The following CHMP2B variants were observed in gnomAD, a reference collection of about 807,000 sequenced individuals.
CHMP2B encodes charged multivesicular body protein 2B, also known as VPS2 homolog B.
Under a neutral mutation model 29.8 loss-of-function variants are expected in CHMP2B, and 22 were observed. That is an observed-to-expected ratio of 0.74 (90% CI 0.53 to 1.05). The LOEUF (loss-of-function observed/expected upper bound fraction) is 1.05, where lower values mean the gene tolerates loss of function less well. CHMP2B is among the 50% of genes least tolerant of loss of function. The pLI is 0.00. For missense variants in CHMP2B, 261 were observed against 252.2 expected (o/e 1.03, Z -0.24); for synonymous variants, 78 against 75.8 (o/e 1.03, Z -0.15).
In CHMP2B at chr3:87,253,442, G is replaced by A; in HGVS notation, c.463G>A (p.Asp155Asn). Residue 155 changes from aspartate (D) to asparagine (N), a missense_variant, in exon 5 of 6, where the codon GAC (aspartate) becomes AAC (asparagine). Coordinates refer to ENST00000263780, the MANE Select transcript of CHMP2B (RefSeq NM_014043.4). ...TGATGACATCTTTGACGGTTCTGAT[G>A]ACGAAGAAGAAAGCCAGGATATTGT... ...TLDDIFDGSD[D>N]EEESQDIVNQ... 6.2e-7 allele frequency: 1 copy of A among 1,611,832 alleles called. No homozygotes were observed. Among genetic ancestry groups the A allele is most frequent in the East Asian group, 2.2e-5 (1 of 44,826 alleles).
chr3:87,227,940 C>G (rs1366471926), intron 1 of CHMP2B, among the ~76,000 whole-genome samples: 2 of 152,132 alleles, frequency 1.3e-5, no homozygotes, highest in African/African-American at 4.8e-5. Context: ...TGTAGGCATC[C>G]ATACAGGAAA....
At chr3:87,251,787 A>G (rs906754456) in intron 4 of CHMP2B, among the ~76,000 whole-genome samples, 1 of 151,754 alleles carries the variant, frequency 6.6e-6, no homozygotes, top group Admixed American at 6.6e-5. Flanking sequence ...TTCTGAAAGC[A>G]TTCTTCTTTG....
chr3:87,238,677 C>A (rs1706059911), intron 1 of CHMP2B, among the ~76,000 whole-genome samples: 1 of 152,120 alleles, frequency 6.6e-6, no homozygotes, highest in South Asian at 2.1e-4. Flanking sequence ...TATTTATATA[C>A]CACCGTTTGT....
chr3:87,244,941 G>A (rs1159551076), intron 2 of CHMP2B, among the ~76,000 whole-genome samples: 1 of 151,988 alleles, frequency 6.6e-6, no homozygotes, highest in Non-Finnish European at 1.5e-5. Context: ...TGCTAATTAT[G>A]CATTTGTCTA....
intron 1 of CHMP2B, among the ~76,000 whole-genome samples, chr3:87,236,384 A>G (rs1174643493): frequency 2.6e-5 from 4 of 152,118 alleles, no homozygotes; most frequent in Admixed American, 2.6e-4. Flanking sequence ...CAGGATGAAG[A>G]CCACATTTAT....
intron 5 of CHMP2B, 62 bp downstream of exon 5, chr3:87,253,572 T>A: frequency 1.4e-6 from 2 of 1,392,660 alleles, no homozygotes; most frequent in Non-Finnish European, 2.0e-6. Context: ...GTCACTTAAT[T>A]GTTTTGTTTT....
At position 87,255,150 on chromosome 3, in the gene CHMP2B, G is replaced by C. The variant is rs895979916; in HGVS notation, c.*1328G>C. 1 of 151,966 alleles carries C rather than the reference G, an allele frequency of 6.6e-6. No homozygotes were observed. The allele number at this position is 151,966 out of a possible 1,614,324, so 9.4% of individuals were successfully genotyped here. On this transcript the variant is annotated 3_prime_UTR_variant, in exon 6 of 6. Transcript: ENST00000263780. Reference sequence around the variant, plus strand: ...GTTAATTTGGGATGGTGGACATTTTGGGCTAATACTGACAAAATACATCTT... The same window carrying C: ...GTTAATTTGGGATGGTGGACATTTTCGGCTAATACTGACAAAATACATCTT...
At chr3:87,245,685 T>A (rs774117372) in intron 2 of CHMP2B, 29 bp from the exon 3 acceptor site, 1 of 1,576,900 alleles carries the variant, frequency 6.3e-7, no homozygotes, top group Non-Finnish European at 8.7e-7. Context: ...TTAATAATTT[T>A]ATTTTCTTTT....
rs1705967323 is a variant in CHMP2B, at chr3:87,234,741, C to T, written c.35-5958C>T. On this transcript the variant is annotated intron_variant, in intron 1 of 5. Coordinates refer to ENST00000263780, the MANE Select transcript of CHMP2B (RefSeq NM_014043.4). The stretch of plus-strand genomic sequence containing the variant: ...AAAATTGAGTGTATACCTTTATCTG[C>T]CTGAAGAAAGAAGCAGAGGATAGAC... Among the ~76,000 whole-genome samples the T allele has an allele frequency of 2.0e-5, 3 of 152,070 alleles. No homozygotes were observed. The South Asian group carries it at 6.2e-4, about 32-fold the overall frequency.
At chr3:87,241,579 G>A (rs1428011172) in intron 2 of CHMP2B, among the ~76,000 whole-genome samples, 3 of 151,768 alleles carry the variant, frequency 2.0e-5, no homozygotes, top group Non-Finnish European at 4.4e-5. Flanking sequence ...CTTTTTTATG[G>A]CATCTTTCAT....
In CHMP2B at chr3:87,254,701, TA is replaced by T. The variant is rs1706373611; in HGVS notation, c.*880del. The T allele has an allele frequency of 6.6e-6, 1 of 151,786 alleles. No homozygotes were observed. Among genetic ancestry groups the T allele is most frequent in the African/African-American group, 2.4e-5 (1 of 41,392 alleles). The allele number at this position is 151,786 out of a possible 1,614,324, so 9.4% of individuals were successfully genotyped here. On this transcript the variant is annotated 3_prime_UTR_variant, in exon 6 of 6. Coordinates refer to ENST00000263780, the MANE Select transcript of CHMP2B (RefSeq NM_014043.4). ...AATAGACGATGAATAAATAACACTTTATAGTAAGAAAACAATATATTTTGGC... is the reference window on the plus strand; with the variant it reads ...AATAGACGATGAATAAATAACACTTTTAGTAAGAAAACAATATATTTTGGC...
chr3:87,236,797 C>A (rs1168459619), intron 1 of CHMP2B, among the ~76,000 whole-genome samples: 1 of 151,916 alleles, frequency 6.6e-6, no homozygotes, highest in Non-Finnish European at 1.5e-5. Context: ...GGGAGGCGAA[C>A]CGAGATCATG....
At chr3:87,244,439 A>G (rs543820247) in intron 2 of CHMP2B, among the ~76,000 whole-genome samples, 1 of 151,930 alleles carries the variant, frequency 6.6e-6, no homozygotes, top group Admixed American at 6.6e-5. Context: ...AAGCTTATGA[A>G]GTATTCATTT....
chr3:87,242,287 G>A (rs1706131888), intron 2 of CHMP2B, among the ~76,000 whole-genome samples: 1 of 151,584 alleles, frequency 6.6e-6, no homozygotes, highest in South Asian at 2.1e-4. Flanking sequence ...AGGGTTTTTT[G>A]GGTTATTTTG....
At position 87,249,980 on chromosome 3, in the gene CHMP2B, A is replaced by C; in HGVS notation, c.424+3A>C. ...AATGGAAATGACTGAAGAAATGAGT[A>C]AGTTTAATAAATTATAATGAAATTT... On this transcript the variant is annotated splice_donor_region_variant and intron_variant, in intron 4 of 5. Transcript: ENST00000263780. 1 of 1,476,000 alleles carries C rather than the reference A, an allele frequency of 6.8e-7. No individual in the cohort carries two copies. Among genetic ancestry groups the C allele is most frequent in the Non-Finnish European group, 9.4e-7 (1 of 1,059,068 alleles). The allele number at this position is 1,476,000 out of a possible 1,614,324, so 91.4% of individuals were successfully genotyped here.
chr3:87,229,303 T>A (rs1459999286), intron 1 of CHMP2B, among the ~76,000 whole-genome samples: 1 of 152,146 alleles, frequency 6.6e-6, no homozygotes, highest in Non-Finnish European at 1.5e-5. Context: ...AGAAATAATG[T>A]TTTTGCTGAA....
At chr3:87,242,322 T>C (rs1706132893) in intron 2 of CHMP2B, among the ~76,000 whole-genome samples, 1 of 152,132 alleles carries the variant, frequency 6.6e-6, no homozygotes, top group Admixed American at 6.5e-5. Context: ...TTTATTCTTT[T>C]ATTCTTTTTT....
chr3:87,253,871 C>T lies in CHMP2B; in HGVS notation c.*49C>T, dbSNP rs1447924240. On this transcript the variant is annotated 3_prime_UTR_variant, in exon 6 of 6. Coordinates refer to ENST00000263780, the MANE Select transcript of CHMP2B (RefSeq NM_014043.4). Reference sequence around the variant, plus strand: ...CTTACTTATAATTATGTAGTATAAACCAAGCACAGTGCAGATTTCTTTTAC... The same window carrying T: ...CTTACTTATAATTATGTAGTATAAATCAAGCACAGTGCAGATTTCTTTTAC... The T allele has an allele frequency of 7.4e-7, 1 of 1,345,470 alleles. No homozygotes were observed. The highest frequency in any genetic ancestry group is 1.7e-5 in the Admixed American group (1 of 58,454). The allele number at this position is 1,345,470 out of a possible 1,614,324, so 83.3% of individuals were successfully genotyped here.
rs767454705 is a variant in CHMP2B at position 87,227,511 on chromosome 3, C to T, written c.-12C>T. The T allele has an allele frequency of 1.9e-6, 3 of 1,614,062 alleles. No individual in the cohort carries two copies. Among genetic ancestry groups the T allele is most frequent in the African/African-American group, 1.3e-5 (1 of 74,940 alleles). On this transcript the variant is annotated 5_prime_UTR_variant, in exon 1 of 6. Transcript: ENST00000263780. ...CGGGCCGAGCCGGGCCGCCCGGGCG[C>T]AGTCTTTAACCATGGCGTCCCTCTT...
Sources: gnomAD v4.1 joint callset for allele counts (sites outside exome capture counted in the v4.1 genomes callset) on GRCh38, gnomAD v4.1.1 for gene constraint, MANE v1.5 for transcripts, NCBI Gene and HGNC (gene_info 2026-07-23, HGNC 2026-07-21) for gene names.